Variants in MYO5B observed in about 807,000 individuals in gnomAD.
MYO5B encodes unconventional myosin-Vb.
In MYO5B, 143 loss-of-function variants were observed where a neutral mutation model predicts 229.3. That is an observed-to-expected ratio of 0.62 (90% CI 0.54 to 0.72). The LOEUF (loss-of-function observed/expected upper bound fraction) is 0.72, where lower values mean the gene tolerates loss of function less well. Ranked by LOEUF, MYO5B falls within the 30% of genes least tolerant of loss-of-function variation. The pLI is 0.00. For synonymous variants in MYO5B, 918 were observed against 885.2 expected (o/e 1.04, Z -0.66); for missense variants, 2,321 against 2,331.0 (o/e 1.00, Z 0.09).
chr18:49,836,010 A>C (rs1303842793), intron 38 of MYO5B, among the ~76,000 whole-genome samples: 1 of 152,252 alleles, frequency 6.6e-6, no homozygotes, highest in Admixed American at 6.5e-5. Context: ...GGAAATGTTT[A>C]CAGAAGGAAG....
intron 1 of MYO5B, among the ~76,000 whole-genome samples, chr18:50,161,882 A>C (rs933144788): frequency 4.6e-5 from 7 of 152,254 alleles, no homozygotes; most frequent in Non-Finnish European, 2.9e-5. Flanking sequence ...AAACAGCATG[A>C]GTTTTTGAGA....
intron 1 of MYO5B, among the ~76,000 whole-genome samples, chr18:50,146,536 G>A (rs2032505627): frequency 6.6e-6 from 1 of 152,156 alleles, no homozygotes; most frequent in Admixed American, 6.5e-5. Context: ...TGGGGAGCAG[G>A]GCAAGGGCTG....
At chr18:50,061,512 G>A (rs1158758704) in intron 1 of MYO5B, among the ~76,000 whole-genome samples, 1 of 152,092 alleles carries the variant, frequency 6.6e-6, no homozygotes, top group Non-Finnish European at 1.5e-5. Flanking sequence ...TACATAGGTA[G>A]CCACATCTTA....
At chr18:50,117,944 C>G (rs1037997619) in intron 1 of MYO5B, among the ~76,000 whole-genome samples, 1 of 152,174 alleles carries the variant, frequency 6.6e-6, no homozygotes, top group Non-Finnish European at 1.5e-5. Flanking sequence ...TGGGCAGTCC[C>G]ATCTCCTCCT....
At chr18:49,844,988 G>A (rs1333776994) in intron 33 of MYO5B, among the ~76,000 whole-genome samples, 1 of 152,190 alleles carries the variant, frequency 6.6e-6, no homozygotes, top group Non-Finnish European at 1.5e-5. Context: ...GGGGTCTTTT[G>A]GAGGGAAGAT....
intron 2 of MYO5B, among the ~76,000 whole-genome samples, chr18:50,046,452 T>C (rs896969053): frequency 1.3e-4 from 20 of 152,246 alleles, no homozygotes; most frequent in African/African-American, 4.8e-4. Context: ...AATTGTAAGA[T>C]GGGAAGCCTA....
At chr18:49,969,338 G>T (rs988283277) in intron 10 of MYO5B, among the ~76,000 whole-genome samples, 2 of 152,090 alleles carry the variant, frequency 1.3e-5, no homozygotes, top group Non-Finnish European at 2.9e-5. Flanking sequence ...TAAAGCAAAA[G>T]AATATTTTTT....
At chr18:50,139,237 C>T (rs763796777) in intron 1 of MYO5B, among the ~76,000 whole-genome samples, 6 of 152,136 alleles carry the variant, frequency 3.9e-5, no homozygotes, top group Non-Finnish European at 5.9e-5. Context: ...TGCAGGGGTG[C>T]GGCCAGGACC....
At chr18:50,184,892 ACAG>A (rs1315186345) in intron 1 of MYO5B, among the ~76,000 whole-genome samples, 23 of 100,730 alleles carry the variant, frequency 2.3e-4, no homozygotes, top group African/African-American at 8.9e-4. Flanking sequence ...ACACACACAC[ACAG>A]AAAAAAATAT....
At chr18:49,946,105 T>C (rs1421106208) in intron 14 of MYO5B, among the ~76,000 whole-genome samples, 1 of 101,102 alleles carries the variant, frequency 9.9e-6, no homozygotes, top group Non-Finnish European at 1.9e-5. Context: ...TCATTCATAG[T>C]AGCTTTTACT....
chr18:50,181,582 C>T (rs917203121), intron 1 of MYO5B, among the ~76,000 whole-genome samples: 3 of 152,218 alleles, frequency 2.0e-5, no homozygotes, highest in African/African-American at 7.2e-5. Context: ...AAGCACACAC[C>T]ATCAGGTTTG....
intron 3 of MYO5B, 95 bp downstream of exon 3, chr18:50,040,048 G>C: frequency 2.3e-6 from 3 of 1,318,810 alleles, no homozygotes; most frequent in Non-Finnish European, 3.3e-6. Flanking sequence ...ACAAATGAGA[G>C]AGTGAAATGA....
At chr18:49,872,289 G>C in intron 26 of MYO5B, 57 bp from the exon 27 acceptor site, 1 of 1,570,822 alleles carries the variant, frequency 6.4e-7, no homozygotes, top group East Asian at 2.2e-5. Flanking sequence ...ATTCCACAGA[G>C]GTGTTTCCAA....
At chr18:50,066,073 C>T (rs1451591049) in intron 1 of MYO5B, among the ~76,000 whole-genome samples, 1 of 151,920 alleles carries the variant, frequency 6.6e-6, no homozygotes, top group Non-Finnish European at 1.5e-5. Context: ...TTGAAGTATT[C>T]TATAGCCAAT....
At chr18:49,913,027 A>G (rs1166089138) in intron 17 of MYO5B, among the ~76,000 whole-genome samples, 1 of 152,096 alleles carries the variant, frequency 6.6e-6, no homozygotes, top group African/African-American at 2.4e-5. Context: ...AGAAGGAACC[A>G]TTTTTCTCCC....
chr18:49,937,035 G>A (rs1389525776), intron 15 of MYO5B, among the ~76,000 whole-genome samples: 1 of 152,124 alleles, frequency 6.6e-6, no homozygotes, highest in Non-Finnish European at 1.5e-5. Flanking sequence ...GGCTACGGTC[G>A]GCCCCTTCCC....
At chr18:50,003,628 C>T (rs973474998) in intron 4 of MYO5B, among the ~76,000 whole-genome samples, 7 of 152,136 alleles carry the variant, frequency 4.6e-5, no homozygotes, top group East Asian at 1.9e-4. Flanking sequence ...ACAAGTTTGG[C>T]GTTGTACCTC....
At chr18:50,087,834 G>A (rs922104833) in intron 1 of MYO5B, among the ~76,000 whole-genome samples, 9 of 152,098 alleles carry the variant, frequency 5.9e-5, no homozygotes, top group African/African-American at 2.2e-4. Flanking sequence ...CTAGGTGCAG[G>A]AAAACCAAGA....
At chr18:50,190,170 T>C (rs1256124641) in intron 1 of MYO5B, among the ~76,000 whole-genome samples, 1 of 152,220 alleles carries the variant, frequency 6.6e-6, no homozygotes, top group Non-Finnish European at 1.5e-5. Context: ...AAATTTTTTG[T>C]TCCAAGTAAC....
Sources: allele counts gnomAD v4.1 joint callset (sites outside exome capture counted in the v4.1 genomes callset), GRCh38; gene constraint gnomAD v4.1.1; transcripts MANE v1.5; gene names NCBI Gene and HGNC (gene_info 2026-07-23, HGNC 2026-07-21).